Variants in WDR45B observed in about 807,000 individuals in gnomAD.
WDR45B encodes the protein WD repeat domain phosphoinositide-interacting protein 3.
A neutral mutation model predicts 44.6 loss-of-function variants in WDR45B; 20 were observed. The ratio of observed to expected loss-of-function variants is 0.45; its 90% CI spans 0.32 to 0.65. The LOEUF is 0.65. Ranked by LOEUF, WDR45B falls within the 30% of genes least tolerant of loss-of-function variation. WDR45B has a pLI of 0.05. For missense variants in WDR45B, 323 were observed against 430.2 expected (o/e 0.75, Z 2.20); for synonymous variants, 169 against 164.9 (o/e 1.02, Z -0.19).
chr17:82,624,563 T>C (rs191834013), intron 5 of WDR45B, among the ~76,000 whole-genome samples: 1,934 of 139,740 alleles, frequency 0.014, no homozygotes, highest in South Asian at 0.038. Flanking sequence ...CCCGGCCGAC[T>C]GTTCTGTCTT....
At position 82,648,412 on chromosome 17, in the gene WDR45B, C is replaced by G. The variant is rs1282977750; in HGVS notation, c.-72G>C. ...GCTGGGGACGGCGGCCTGGTCCCTT[C>G]GGGCCGGCGCTGAGGCCGCCGCGGC... On this transcript the variant is annotated 5_prime_UTR_variant, in exon 1 of 10. Transcript: ENST00000392325. The G allele has an allele frequency of 1.2e-5, 18 of 1,554,800 alleles. No individual in the cohort carries two copies. Among genetic ancestry groups the G allele is most frequent in the Non-Finnish European group, 1.5e-5 (17 of 1,150,922 alleles).
intron 1 of WDR45B, chr17:82,644,254 C>T: frequency 3.5e-6 from 2 of 571,314 alleles, no homozygotes; most frequent in South Asian, 2.0e-5. Flanking sequence ...GTTGTTCACA[C>T]AACTTCCCCA....
chr17:82,637,840 C>A (rs1472792838), intron 2 of WDR45B, among the ~76,000 whole-genome samples: 1 of 151,738 alleles, frequency 6.6e-6, no homozygotes, highest in Non-Finnish European at 1.5e-5. Flanking sequence ...TTCCCAGGGG[C>A]AGAGGGTACG....
At chr17:82,648,045 G>A (rs1449098700) in intron 1 of WDR45B, among the ~76,000 whole-genome samples, 1 of 147,698 alleles carries the variant, frequency 6.8e-6, no homozygotes, top group Non-Finnish European at 1.5e-5. Context: ...GGGGGAGCGC[G>A]AAAGGCCAGG....
At chr17:82,631,456 T>C (rs1279360821) in intron 2 of WDR45B, among the ~76,000 whole-genome samples, 1 of 149,576 alleles carries the variant, frequency 6.7e-6, no homozygotes, top group Non-Finnish European at 1.5e-5. Context: ...AGCTAATTTT[T>C]GTATTTTTAG....
At chr17:82,646,384 G>A (rs2045975602) in intron 1 of WDR45B, among the ~76,000 whole-genome samples, 1 of 150,448 alleles carries the variant, frequency 6.6e-6, no homozygotes, top group Admixed American at 6.6e-5. Flanking sequence ...CTACTCGGGA[G>A]GCTGAGACAG....
At chr17:82,648,132 T>C in intron 1 of WDR45B, 142 bp downstream of exon 1, 1 of 979,384 alleles carries the variant, frequency 1.0e-6, no homozygotes, top group Non-Finnish European at 1.4e-6. Context: ...GGCCGGGGGC[T>C]TCGGAGGGGA....
intron 4 of WDR45B, among the ~76,000 whole-genome samples, chr17:82,626,457 C>T (rs893547693): frequency 3.6e-5 from 5 of 137,418 alleles, no homozygotes; most frequent in Non-Finnish European, 6.1e-5. Flanking sequence ...TGCTTGAACC[C>T]GGGAGGCAGA....
At chr17:82,629,751 C>T in intron 3 of WDR45B, 1 of 985,576 alleles carries the variant, frequency 1.0e-6, no homozygotes, top group Non-Finnish European at 1.2e-6. Flanking sequence ...GAGCTGGGCC[C>T]CAAAGCTTGT....
At chr17:82,638,247 GA>G (rs1158344341) in intron 2 of WDR45B, among the ~76,000 whole-genome samples, 1 of 23,464 alleles carries the variant, frequency 4.3e-5, no homozygotes, top group Non-Finnish European at 8.6e-5. Context: ...GAGGGGAGGG[GA>G]GGGGAGGGGA....
intron 6 of WDR45B, among the ~76,000 whole-genome samples, chr17:82,619,384 C>T (rs2045583342): frequency 1.3e-5 from 2 of 152,068 alleles, no homozygotes; most frequent in South Asian, 4.1e-4. Context: ...CCTGACCGGG[C>T]AGGGTGGACT....
chr17:82,633,690 T>C (rs1051010963), intron 2 of WDR45B, among the ~76,000 whole-genome samples: 2 of 152,028 alleles, frequency 1.3e-5, no homozygotes, highest in African/African-American at 2.4e-5. Flanking sequence ...GCAGCTGCTC[T>C]GGAAAAAAGT....
chr17:82,619,850 G>C (rs2045589863), intron 6 of WDR45B, among the ~76,000 whole-genome samples: 1 of 152,222 alleles, frequency 6.6e-6, no homozygotes, highest in Admixed American at 6.5e-5. Flanking sequence ...GCCTCACGGG[G>C]TGACTGCCGA....
At chr17:82,634,150 CAAAAAAAAA>C (rs36183298) in intron 2 of WDR45B, among the ~76,000 whole-genome samples, 13 of 31,912 alleles carry the variant, frequency 4.1e-4, no homozygotes, top group East Asian at 3.6e-3. Flanking sequence ...GACTCCATCT[CAAAAAAAAA>C]AAAAAAAAAA....
In WDR45B at chr17:82,616,509, G is replaced by C. The variant is rs761390199; in HGVS notation, c.928+15C>G. 2 of 1,613,582 alleles carry C rather than the reference G, an allele frequency of 1.2e-6. No homozygotes were observed. Among genetic ancestry groups the C allele is most frequent in the Non-Finnish European group, 1.7e-6 (2 of 1,179,926 alleles). Reference sequence around the variant, plus strand: ...GGGGCGGGTGGGGACGTTCTCTCCAGGAAGGACCACTCACCAATGACGGCG... The same window carrying C: ...GGGGCGGGTGGGGACGTTCTCTCCACGAAGGACCACTCACCAATGACGGCG... On this transcript the variant is annotated intron_variant, in intron 9 of 9. Transcript: ENST00000392325.
At chr17:82,623,251 G>C (rs1291562298) in intron 5 of WDR45B, among the ~76,000 whole-genome samples, 4 of 152,062 alleles carry the variant, frequency 2.6e-5, no homozygotes, top group African/African-American at 9.6e-5. Flanking sequence ...TCCAGGCGTG[G>C]TGGCGGGTGC....
intron 5 of WDR45B, among the ~76,000 whole-genome samples, chr17:82,622,322 A>T (rs2045630216): frequency 1.3e-5 from 2 of 152,332 alleles, no homozygotes; most frequent in South Asian, 4.1e-4. Context: ...ATTACTATCT[A>T]ACTCATCTAC....
chr17:82,627,954 T>C (rs1264516218), intron 3 of WDR45B, among the ~76,000 whole-genome samples: 1 of 152,224 alleles, frequency 6.6e-6, no homozygotes, highest in Non-Finnish European at 1.5e-5. Context: ...GGCCAACAAG[T>C]TCCTCACTCC....
intron 1 of WDR45B, among the ~76,000 whole-genome samples, chr17:82,645,856 C>T (rs1477567732): frequency 6.6e-6 from 1 of 152,174 alleles, no homozygotes; most frequent in East Asian, 1.9e-4. Context: ...GGCACGGTGG[C>T]TCACACCTGT....
Sources: gnomAD v4.1 joint callset for allele counts (sites outside exome capture counted in the v4.1 genomes callset) on GRCh38, gnomAD v4.1.1 for gene constraint, MANE v1.5 for transcripts, NCBI Gene and HGNC (gene_info 2026-07-23, HGNC 2026-07-21) for gene names.